The following EVI5L variants were observed in gnomAD, a reference collection of about 807,000 sequenced individuals.
EVI5L encodes the protein ecotropic viral integration site 5 like, also known as EVI5-like protein.
In EVI5L, 30 loss-of-function variants were observed where a neutral mutation model predicts 106.1. That is an observed-to-expected ratio of 0.28 (90% confidence interval 0.21 to 0.38). The LOEUF (loss-of-function observed/expected upper bound fraction) is 0.38. Among genes scored for constraint, EVI5L ranks in the 10% least tolerant of loss-of-function variants. The pLI is 1.00. For missense variants in EVI5L, 809 were observed against 1,098.0 expected (o/e 0.74, Z 3.72); for synonymous variants, 489 against 483.3 (o/e 1.01, Z -0.15).
intron 1 of EVI5L, among the ~76,000 whole-genome samples, chr19:7,841,365 G>A (rs1216137207): frequency 2.0e-5 from 3 of 152,086 alleles, no homozygotes; most frequent in Admixed American, 6.6e-5. Flanking sequence ...GAGAAGTCCC[G>A]GCCAGAGAGG....
chr19:7,843,768 ATGTG>A (rs903333665), intron 1 of EVI5L, among the ~76,000 whole-genome samples: 1 of 151,526 alleles, frequency 6.6e-6, no homozygotes, highest in African/African-American at 2.4e-5. Context: ...GTGGGTGTGA[ATGTG>A]TGTACATGCG....
At position 7,857,910 on chromosome 19, in the gene EVI5L, G is replaced by A. The variant is rs867482726; in HGVS notation, c.1234-281G>A. Reference sequence around the variant, plus strand: ...GCCCCTGGATAAGGATCCCAACTGGGGCAGAGACTGAGAGCCAGAGTGGGG... The same window carrying A: ...GCCCCTGGATAAGGATCCCAACTGGAGCAGAGACTGAGAGCCAGAGTGGGG... On this transcript the variant is annotated intron_variant, in intron 12 of 19. Transcript: ENST00000538904. This position sits in a 1 kb window ranked among gnomAD's most constrained non-coding sequence, Gnocchi z 4.5. The A allele has an allele frequency of 2.5e-5, 11 of 435,872 alleles. No homozygotes were observed. In the South Asian group the frequency reaches 3.1e-4, roughly 12 times the overall value. 27.0% of individuals were successfully genotyped at this position (435,872 alleles called of 1,614,324 possible).
chr19:7,832,007 C>G (rs1308293959), intron 1 of EVI5L, among the ~76,000 whole-genome samples: 1 of 152,256 alleles, frequency 6.6e-6, no homozygotes, highest in Non-Finnish European at 1.5e-5. Flanking sequence ...TCGAGTGGAA[C>G]ATGAATGAGT....
intron 6 of EVI5L, 59 bp from the exon 7 acceptor site, chr19:7,851,375 C>A: frequency 6.4e-7 from 1 of 1,566,570 alleles, no homozygotes. Flanking sequence ...TGAGGCCCAG[C>A]ACCCCCCGGT....
intron 1 of EVI5L, among the ~76,000 whole-genome samples, chr19:7,844,331 C>CAAAA (rs71179149): frequency 7.6e-6 from 1 of 132,446 alleles, no homozygotes; most frequent in African/African-American, 2.9e-5. Context: ...GACTCCGTCT[C>CAAAA]AAAAAAAAAA....
intron 1 of EVI5L, among the ~76,000 whole-genome samples, chr19:7,843,678 G>A (rs1248125245): frequency 1.3e-5 from 2 of 149,878 alleles, no homozygotes; most frequent in Non-Finnish European, 3.0e-5. Context: ...GTGTATGAGT[G>A]TGTGTGTGTG....
At chr19:7,833,815 C>T (rs921663245) in intron 1 of EVI5L, among the ~76,000 whole-genome samples, 4 of 152,172 alleles carry the variant, frequency 2.6e-5, no homozygotes, top group African/African-American at 4.8e-5. Context: ...GCAGCAAAGC[C>T]GCCCTTCCCA....
chr19:7,842,652 T>C (rs1380384484), intron 1 of EVI5L, among the ~76,000 whole-genome samples: 6 of 151,514 alleles, frequency 4.0e-5, no homozygotes, highest in African/African-American at 1.5e-4. Context: ...AATGTGGGTG[T>C]TTATGTATCA....
intron 1 of EVI5L, among the ~76,000 whole-genome samples, chr19:7,833,341 C>T (rs935659211): frequency 6.6e-6 from 1 of 152,250 alleles, no homozygotes; most frequent in Admixed American, 6.5e-5. Context: ...GCGGCGGCCC[C>T]CGCCATGTGC....
intron 14 of EVI5L, among the ~76,000 whole-genome samples, chr19:7,860,983 G>A (rs2146438966): frequency 1.3e-5 from 2 of 152,246 alleles, no homozygotes; most frequent in South Asian, 4.1e-4. Flanking sequence ...GGGGATGGGG[G>A]AGGGGGACAG....
At chr19:7,846,112 C>T (rs1216400705) in intron 1 of EVI5L, among the ~76,000 whole-genome samples, 1 of 152,216 alleles carries the variant, frequency 6.6e-6, no homozygotes, top group Non-Finnish European at 1.5e-5. Flanking sequence ...GGGGCTCCTG[C>T]ACCCCGAGGT....
At chr19:7,832,959 G>A (rs1978300136) in intron 1 of EVI5L, among the ~76,000 whole-genome samples, 2 of 152,148 alleles carry the variant, frequency 1.3e-5, no homozygotes, top group Admixed American at 1.3e-4. Flanking sequence ...GACTCCTGAA[G>A]GTCACGTGGT....
intron 2 of EVI5L, 25 bp from the exon 3 acceptor site, chr19:7,847,707 C>T: frequency 6.2e-7 from 1 of 1,603,592 alleles, no homozygotes; most frequent in Non-Finnish European, 8.5e-7. Context: ...TCACTGGTTC[C>T]CCTCTGTCGG....
In EVI5L at chr19:7,853,186, C is replaced by T. The variant is rs766965015; in HGVS notation, c.1085+3C>T. 1.8e-4 allele frequency: 297 copies of T among 1,613,942 alleles called. No homozygotes were observed. Among genetic ancestry groups the T allele is most frequent in the Non-Finnish European group, 2.4e-4 (281 of 1,180,034 alleles). ...TACAACCCCAAGAAGATGAAGAGGTCGGTGCCTGCTGGGCAACCAGGGTAC... is the reference window on the plus strand; with the variant it reads ...TACAACCCCAAGAAGATGAAGAGGTTGGTGCCTGCTGGGCAACCAGGGTAC... On this transcript the variant is annotated splice_donor_region_variant and intron_variant, in intron 9 of 19. Coordinates refer to ENST00000538904, the MANE Select transcript of EVI5L (RefSeq NM_001159944.3).
chr19:7,848,018 G>T lies in EVI5L; in HGVS notation c.327+97G>T. 7.5e-7 allele frequency: 1 copy of T among 1,332,360 alleles called. No individual in the cohort carries two copies. Among genetic ancestry groups the T allele is most frequent in the South Asian group, 1.5e-5 (1 of 67,344 alleles). 82.5% of individuals were successfully genotyped at this position (1,332,360 alleles called of 1,614,324 possible). Reference sequence around the variant, plus strand: ...CAGCGCCAGGGTCTGCGGGGCCCCAGCCTGGGCACAGCGGCAGCAGTGGAG... The same window carrying T: ...CAGCGCCAGGGTCTGCGGGGCCCCATCCTGGGCACAGCGGCAGCAGTGGAG... On this transcript the variant is annotated intron_variant, in intron 3 of 19. Coordinates refer to ENST00000538904, the MANE Select transcript of EVI5L (RefSeq NM_001159944.3). The surrounding 1 kb of genome is among the most constrained non-coding windows in gnomAD (Gnocchi z 4.8).
At chr19:7,853,062 A>C in intron 8 of EVI5L, 24 bp from the exon 9 acceptor site, 1 of 1,613,100 alleles carries the variant, frequency 6.2e-7, no homozygotes, top group Non-Finnish European at 8.5e-7. Context: ...GTTGGTGACC[A>C]GGTGACCGGC....
At position 7,848,630 on chromosome 19, in the gene EVI5L, G is replaced by A. The variant is rs1330704925; in HGVS notation, c.328-291G>A. 2.0e-5 allele frequency among the ~76,000 whole-genome samples: 3 copies of A among 151,952 alleles called. No individual in the cohort carries two copies. Among genetic ancestry groups the A allele is most frequent in the African/African-American group, 7.2e-5 (3 of 41,380 alleles). ...AAAAAAGTTTAAAAATTAGCCAGGCGTGGTGGTGCACAACTGTAGTCCCAG... is the reference window on the plus strand; with the variant it reads ...AAAAAAGTTTAAAAATTAGCCAGGCATGGTGGTGCACAACTGTAGTCCCAG... On this transcript the variant is annotated intron_variant, in intron 3 of 19. Coordinates refer to ENST00000538904, the MANE Select transcript of EVI5L (RefSeq NM_001159944.3). This position sits in a 1 kb window ranked among gnomAD's most constrained non-coding sequence, Gnocchi z 4.8.
chr19:7,831,872 G>A (rs1176498892), intron 1 of EVI5L, among the ~76,000 whole-genome samples: 2 of 152,250 alleles, frequency 1.3e-5, no homozygotes, highest in African/African-American at 4.8e-5. Flanking sequence ...CACAACTAGT[G>A]TGTTTGGCCA....
Position 7,850,965 on chromosome 19 carries a change from A to G in EVI5L, c.754-469A>G, listed in dbSNP as rs542509978. ...AGGCCAATCCAACACAGCTTGCACA[A>G]AGCTTTATGCTGGGGTCCAAGGGAG... On this transcript the variant is annotated intron_variant, in intron 6 of 19. Coordinates refer to ENST00000538904, the MANE Select transcript of EVI5L (RefSeq NM_001159944.3). The surrounding 1 kb of genome is among the most constrained non-coding windows in gnomAD (Gnocchi z 5.4). Among the ~76,000 whole-genome samples the G allele has an allele frequency of 9.2e-5, 14 of 152,220 alleles. No homozygotes were observed. The highest frequency in any genetic ancestry group is 7.4e-5 in the Non-Finnish European group (5 of 67,994).
Sources: gnomAD v4.1 joint callset for allele counts (sites outside exome capture counted in the v4.1 genomes callset) on GRCh38, gnomAD v4.1.1 for gene constraint, Gnocchi (gnomAD v3.1) non-coding constraint, MANE v1.5 for transcripts, NCBI Gene and HGNC (gene_info 2026-07-23, HGNC 2026-07-21) for gene names.